The following RASA1 variants were observed in gnomAD, a reference collection of about 807,000 sequenced individuals.
The protein encoded by RASA1 is ras GTPase-activating protein 1.
A neutral mutation model predicts 132.2 loss-of-function variants in RASA1; 25 were observed. The observed-to-expected ratio is 0.19, with a 90% CI of 0.14 to 0.26. RASA1 has a LOEUF of 0.26. Among genes scored for constraint, RASA1 ranks in the 10% least tolerant of loss-of-function variants. RASA1 has a pLI of 1.00. For synonymous variants in RASA1, 477 were observed against 449.9 expected (o/e 1.06, Z -0.76); for missense variants, 964 against 1,299.2 (o/e 0.74, Z 3.97).
intron 1 of RASA1, among the ~76,000 whole-genome samples, chr5:87,310,780 A>G (rs746262721): frequency 3.3e-5 from 5 of 152,176 alleles, no homozygotes; most frequent in Non-Finnish European, 5.9e-5. Flanking sequence ...CAGTTTCTTG[A>G]CATTTGCACT....
At chr5:87,390,261 C>T (rs1258032882) in intron 24 of RASA1, among the ~76,000 whole-genome samples, 1 of 152,176 alleles carries the variant, frequency 6.6e-6, no homozygotes, top group Non-Finnish European at 1.5e-5. Context: ...ACCACAGGGA[C>T]AGTTTTGACT....
rs368308534 is a variant in RASA1, at chr5:87,367,618, A to G, written c.1611-2195A>G. On this transcript the variant is annotated intron_variant, in intron 11 of 24. Transcript: ENST00000274376. ...TTAAACTTCTAACTTTTAATACTGC[A>G]TTACTTAGAAAGATGTCTTAGTGAC... Among the ~76,000 whole-genome samples, 12 of 152,314 alleles carry G rather than the reference A, an allele frequency of 7.9e-5. No homozygotes were observed. The East Asian group carries it at 1.7e-3, about 22-fold the overall frequency.
At chr5:87,356,689 TA>T (rs1164451362) in intron 9 of RASA1, among the ~76,000 whole-genome samples, 2 of 152,178 alleles carry the variant, frequency 1.3e-5, no homozygotes, top group African/African-American at 2.4e-5. Flanking sequence ...TTTTTAGTAA[TA>T]AAATATTTTT....
chr5:87,297,902 C>T (rs1052488258), intron 1 of RASA1, among the ~76,000 whole-genome samples: 9 of 152,136 alleles, frequency 5.9e-5, no homozygotes, highest in African/African-American at 1.9e-4. Flanking sequence ...TACCCTGGCA[C>T]TGGTTCCCAA....
At chr5:87,286,583 CTACTT>C (rs1279785014) in intron 1 of RASA1, among the ~76,000 whole-genome samples, 11 of 151,794 alleles carry the variant, frequency 7.2e-5, no homozygotes, top group African/African-American at 2.7e-4. Flanking sequence ...CTGTTATACT[CTACTT>C]AAAAATTACT....
intron 23 of RASA1, among the ~76,000 whole-genome samples, chr5:87,387,715 G>A (rs750710805): frequency 9.9e-5 from 15 of 152,084 alleles, no homozygotes; most frequent in Non-Finnish European, 2.1e-4. Context: ...CAGGAATGCC[G>A]TTGAGTCACT....
chr5:87,348,698 C>T (rs1759040594), intron 7 of RASA1, among the ~76,000 whole-genome samples: 1 of 151,210 alleles, frequency 6.6e-6, no homozygotes, highest in Non-Finnish European at 1.5e-5. Context: ...TATCAAACTC[C>T]TGGGCTCAAG....
chr5:87,294,080 G>C (rs2112272355), intron 1 of RASA1: 2 of 151,998 alleles, frequency 1.3e-5, no homozygotes, highest in African/African-American at 4.8e-5. Flanking sequence ...GATTTTTGCT[G>C]TAATTTCTAT....
intron 24 of RASA1, 37 bp from the exon 25 acceptor site, chr5:87,390,763 C>G: frequency 6.4e-7 from 1 of 1,553,182 alleles, no homozygotes; most frequent in Non-Finnish European, 8.9e-7. Flanking sequence ...GCTGACCGAG[C>G]TTTCATTTAT....
At chr5:87,272,948 T>G (rs1444639073) in intron 1 of RASA1, among the ~76,000 whole-genome samples, 2 of 152,218 alleles carry the variant, frequency 1.3e-5, no homozygotes, top group Non-Finnish European at 2.9e-5. Context: ...GAAGAAATGT[T>G]GGACTAAATA....
intron 8 of RASA1, among the ~76,000 whole-genome samples, chr5:87,349,682 A>T (rs1263441500): frequency 2.6e-5 from 4 of 151,930 alleles, no homozygotes; most frequent in Admixed American, 2.0e-4. Context: ...AAAAGAAAAT[A>T]TATCAACATT....
At chr5:87,281,264 C>CG (rs1754306498) in intron 1 of RASA1, among the ~76,000 whole-genome samples, 1 of 145,080 alleles carries the variant, frequency 6.9e-6, no homozygotes, top group African/African-American at 2.6e-5. Flanking sequence ...TTTTTTGAGA[C>CG]GGAGTTTCGC....
intron 1 of RASA1, among the ~76,000 whole-genome samples, chr5:87,308,422 T>C (rs1227632845): frequency 2.6e-5 from 4 of 152,130 alleles, no homozygotes; most frequent in Non-Finnish European, 5.9e-5. Context: ...ATCTTTTTAT[T>C]TTTTATTTTT....
At chr5:87,389,309 CA>C in intron 23 of RASA1, 83 bp from the exon 24 acceptor site, 1 of 1,544,606 alleles carries the variant, frequency 6.5e-7, no homozygotes. Context: ...TCAGCCTGGG[CA>C]ACAAGAGCGA....
intron 1 of RASA1, among the ~76,000 whole-genome samples, chr5:87,281,306 G>GATCTCGTCTCACTGCA (rs534939662): frequency 4.9e-4 from 74 of 150,364 alleles, no homozygotes; most frequent in East Asian, 3.5e-3. Flanking sequence ...GCAATGGCGT[G>GATCTCGTCTCACTGCA]ATCTCGTCTC....
chr5:87,286,911 AACACCATATATATACATACCATATATAT>A (rs1400278083), intron 1 of RASA1, among the ~76,000 whole-genome samples: 3 of 149,060 alleles, frequency 2.0e-5, no homozygotes, highest in East Asian at 3.9e-4. Context: ...ATATATAAGG[AACACCATATATATACATACCATATATAT>A]ACACCATATA....
intron 1 of RASA1, among the ~76,000 whole-genome samples, chr5:87,287,272 TATATATACACACCATATATATACACC>T (rs1464620726): frequency 7.9e-4 from 114 of 144,796 alleles, no homozygotes; most frequent in Middle Eastern, 5.8e-3. Flanking sequence ...ATATACACCG[TATATATACACACCATATATATACACC>T]ATATATACAC....
At chr5:87,317,610 T>C (rs1311136974) in intron 1 of RASA1, among the ~76,000 whole-genome samples, 1 of 152,080 alleles carries the variant, frequency 6.6e-6, no homozygotes, top group Non-Finnish European at 1.5e-5. Flanking sequence ...CCTTTTTCCC[T>C]AATAAGACTG....
At chr5:87,384,867 G>A (rs1323146490) in intron 21 of RASA1, among the ~76,000 whole-genome samples, 1 of 152,024 alleles carries the variant, frequency 6.6e-6, no homozygotes, top group Non-Finnish European at 1.5e-5. Flanking sequence ...AGCTTTAAGC[G>A]AATTATTTGG....
Sources: allele counts gnomAD v4.1 joint callset (sites outside exome capture counted in the v4.1 genomes callset), GRCh38; gene constraint gnomAD v4.1.1; transcripts MANE v1.5; gene names NCBI Gene and HGNC (gene_info 2026-07-23, HGNC 2026-07-21).